The following NRXN1 variants were observed in gnomAD, a reference collection of about 807,000 sequenced individuals.
NRXN1 encodes neurexin 1, also known as neurexin-1.
Under a neutral mutation model 150.9 loss-of-function variants are expected in NRXN1, and 39 were observed. The observed-to-expected ratio is 0.26, with a 90% CI of 0.20 to 0.34. The LOEUF is 0.34. Among genes scored for constraint, NRXN1 ranks in the 10% least tolerant of loss-of-function variants. The pLI is 1.00. For synonymous variants in NRXN1, 924 were observed against 757.0 expected (o/e 1.22, Z -3.62); for missense variants, 1,815 against 1,949.9 (o/e 0.93, Z 1.30).
At chr2:50,936,117 C>T (rs1688508115) in intron 2 of NRXN1, among the ~76,000 whole-genome samples, 1 of 152,102 alleles carries the variant, frequency 6.6e-6, no homozygotes, top group African/African-American at 2.4e-5. Context: ...AGCATATGAG[C>T]TGTTGTTTGG....
intron 5 of NRXN1, among the ~76,000 whole-genome samples, chr2:50,763,834 C>T (rs1013053217): frequency 6.6e-5 from 10 of 151,846 alleles, no homozygotes; most frequent in African/African-American, 1.9e-4. Context: ...ATAATTTTGC[C>T]ATAAAAAATA....
At chr2:50,940,280 T>C (rs553643894) in intron 2 of NRXN1, among the ~76,000 whole-genome samples, 3 of 151,830 alleles carry the variant, frequency 2.0e-5, no homozygotes, top group Admixed American at 2.0e-4. Context: ...ATCGAGACCA[T>C]CCTGGCCAAC....
intron 17 of NRXN1, among the ~76,000 whole-genome samples, chr2:50,343,568 C>G (rs1357705241): frequency 6.6e-6 from 1 of 152,182 alleles, no homozygotes; most frequent in African/African-American, 2.4e-5. Flanking sequence ...ACCTGCTTCT[C>G]ACAGGCCCTT....
intron 18 of NRXN1, among the ~76,000 whole-genome samples, chr2:50,189,826 T>TCC (rs2061338172): frequency 6.6e-6 from 1 of 152,178 alleles, no homozygotes; most frequent in African/African-American, 2.4e-5. Context: ...TGAATTAGTT[T>TCC]ATCAATAGAT....
chr2:49,967,478 C>T (rs1224953946), intron 21 of NRXN1, among the ~76,000 whole-genome samples: 1 of 152,010 alleles, frequency 6.6e-6, no homozygotes, highest in Non-Finnish European at 1.5e-5. Flanking sequence ...ACAAATTCCT[C>T]CCCACTTTTG....
At chr2:50,841,019 T>C (rs1048682892) in intron 5 of NRXN1, 3 of 152,580 alleles carry the variant, frequency 2.0e-5, no homozygotes, top group African/African-American at 7.2e-5. Context: ...CAACGTTGCT[T>C]CTGCCCCTCT....
At chr2:50,719,542 G>A (rs1262016919) in intron 5 of NRXN1, among the ~76,000 whole-genome samples, 1 of 151,864 alleles carries the variant, frequency 6.6e-6, no homozygotes, top group Non-Finnish European at 1.5e-5. Context: ...CATGCATGGT[G>A]GCATACGCCT....
chr2:50,785,412 G>T (rs955709409), intron 5 of NRXN1, among the ~76,000 whole-genome samples: 3 of 151,694 alleles, frequency 2.0e-5, no homozygotes, highest in Admixed American at 6.6e-5. Flanking sequence ...CCACGCCTGG[G>T]TAATTTTTTG....
intron 5 of NRXN1, among the ~76,000 whole-genome samples, chr2:50,882,742 A>T (rs1028663579): frequency 2.0e-5 from 3 of 151,838 alleles, no homozygotes; most frequent in African/African-American, 7.2e-5. Context: ...TTTCTTAGAA[A>T]TTCCTTCAAC....
chr2:50,284,877 T>G (rs1361885899), intron 17 of NRXN1, among the ~76,000 whole-genome samples: 2 of 152,152 alleles, frequency 1.3e-5, no homozygotes, highest in African/African-American at 4.8e-5. Context: ...CAAAAAGATT[T>G]ATAACAAAAC....
In NRXN1 at chr2:50,964,061, G is replaced by A. The variant is rs1228794965; in HGVS notation, c.773-38106C>T. 9 of 382,880 alleles carry A rather than the reference G, an allele frequency of 2.4e-5. No homozygotes were observed. The East Asian group carries it at 2.9e-4, about 12-fold the overall frequency. 23.7% of individuals were successfully genotyped at this position (382,880 alleles called of 1,614,324 possible). A position where few individuals can be genotyped will look rare whatever the true frequency, so the allele number is the denominator to read the frequency against. ...CTATGCAGAAGAATATGAAATGAAG[G>A]TATTAAGATCCAGTTATGCTATTTA... On this transcript the variant is annotated intron_variant, in intron 2 of 22. Transcript: ENST00000401669.
At chr2:50,039,137 A>G (rs946016253) in intron 21 of NRXN1, among the ~76,000 whole-genome samples, 6 of 152,060 alleles carry the variant, frequency 3.9e-5, no homozygotes, top group African/African-American at 1.4e-4. Context: ...AGATTGCCCC[A>G]CTGTACTCCA....
At chr2:50,259,730 C>T (rs74562947) in intron 17 of NRXN1, among the ~76,000 whole-genome samples, 3,973 of 151,844 alleles carry the variant, frequency 0.026, 170 homozygotes, top group African/African-American at 0.09. Context: ...GCAGTGTTCC[C>T]CTTTTTTCCA....
intron 17 of NRXN1, among the ~76,000 whole-genome samples, chr2:50,345,563 G>C (rs1044490749): frequency 6.6e-6 from 1 of 152,198 alleles, no homozygotes; most frequent in Non-Finnish European, 1.5e-5. Flanking sequence ...CACCGGGGTA[G>C]AATAAAAATT....
chr2:50,830,627 G>A (rs1197566041), intron 5 of NRXN1, among the ~76,000 whole-genome samples: 1 of 150,708 alleles, frequency 6.6e-6, no homozygotes, highest in Non-Finnish European at 1.5e-5. Flanking sequence ...ATTCTCTAGG[G>A]CAACACAGTT....
At chr2:50,023,134 A>G (rs1021005832) in intron 21 of NRXN1, 2 of 152,166 alleles carry the variant, frequency 1.3e-5, no homozygotes, top group African/African-American at 4.8e-5. Flanking sequence ...TGACTCCATA[A>G]TATACTGGAA....
chr2:50,650,973 C>G (rs1247882383), intron 5 of NRXN1, among the ~76,000 whole-genome samples: 2 of 151,860 alleles, frequency 1.3e-5, no homozygotes, highest in Admixed American at 6.6e-5. Flanking sequence ...CAATATAAAC[C>G]TGTTTTTCAG....
At chr2:50,970,876 T>C (rs1238898807) in intron 2 of NRXN1, among the ~76,000 whole-genome samples, 1 of 152,148 alleles carries the variant, frequency 6.6e-6, no homozygotes, top group Non-Finnish European at 1.5e-5. Flanking sequence ...TTATCCATTA[T>C]CTTTGTTTCC....
Position 50,276,474 on chromosome 2 carries a change from C to T in NRXN1, c.3365-39504G>A, listed in dbSNP as rs77205322. ...TAGTGTAGGGCTTGAGATAGGAATT[C>T]ATTAGATATTTAAAATGCAGCAATT... On this transcript the variant is annotated intron_variant, in intron 17 of 22. Transcript: ENST00000401669. Among the ~76,000 whole-genome samples, 941 of 152,100 alleles carry T rather than the reference C, an allele frequency of 6.2e-3. 23 individuals carry two copies. The East Asian group carries it at 0.067, about 11-fold the overall frequency.
Sources: gnomAD v4.1 joint callset for allele counts (sites outside exome capture counted in the v4.1 genomes callset) on GRCh38, gnomAD v4.1.1 for gene constraint, MANE v1.5 for transcripts, NCBI Gene and HGNC (gene_info 2026-07-23, HGNC 2026-07-21) for gene names.